KDM3B: variants seen among roughly 807,000 people sequenced by gnomAD.
The protein encoded by KDM3B is lysine-specific demethylase 3B.
Under a neutral mutation model 170.0 loss-of-function variants are expected in KDM3B, and 10 were observed. The observed-to-expected ratio is 0.06, with a 90% CI of 0.04 to 0.10. KDM3B has a LOEUF of 0.10. Ranked by LOEUF, KDM3B falls within the 10% of genes least tolerant of loss-of-function variation. The pLI, the probability that KDM3B is intolerant of heterozygous loss-of-function variation, is 1.00. For synonymous variants in KDM3B, 831 were observed against 834.8 expected, an observed-to-expected ratio of 1.00 and a Z score of 0.08; for missense variants, 1,394 against 2,195.2, an observed-to-expected ratio of 0.64 and a Z score of 7.29.
intron 23 of KDM3B, among the ~76,000 whole-genome samples, chr5:138,432,460 G>A (rs1763558815): frequency 1.3e-5 from 2 of 152,112 alleles, no homozygotes; most frequent in Non-Finnish European, 1.5e-5. Context: ...ATGAGGTCAG[G>A]AGATCAAGAC....
At position 138,419,771 on chromosome 5, in the gene KDM3B, ATATG is replaced by A. The variant is rs368855692; in HGVS notation, c.3715+540_3715+543del. On this transcript the variant is annotated intron_variant, in intron 14 of 23. Transcript: ENST00000314358. ...CACACACACACACACACACACATAT[ATATG>A]AGGGACTACCTTTCAACTTCTTTCT... Among the ~76,000 whole-genome samples, 256 of 148,350 alleles carry A rather than the reference ATATG, an allele frequency of 1.7e-3. 1 individual carries two copies. The highest frequency in any genetic ancestry group is 3.5e-3 in the Middle Eastern group (1 of 282).
chr5:138,418,781 C>G (rs747727838), intron 13 of KDM3B, among the ~76,000 whole-genome samples, 172 bp from the exon 14 acceptor site: 4 of 152,214 alleles, frequency 2.6e-5, no homozygotes, highest in Non-Finnish European at 4.4e-5. Context: ...AGCCTGGTTT[C>G]TGGCATGTTG....
chr5:138,386,722 A>G (rs1762273374), intron 7 of KDM3B, 101 bp downstream of exon 7: 2 of 1,444,598 alleles, frequency 1.4e-6, no homozygotes, highest in Admixed American at 2.1e-5. Context: ...GGGAAGGAGT[A>G]TTTCTGAGAT....
In KDM3B at chr5:138,419,039, G is replaced by A. The variant is rs1291101658; in HGVS notation, c.3522G>A (p.Glu1174=). 1.9e-6 allele frequency: 3 copies of A among 1,614,186 alleles called. No homozygotes were observed. Among genetic ancestry groups the A allele is most frequent in the Non-Finnish European group, 2.5e-6 (3 of 1,180,038 alleles). Residue 1174 remains glutamate, a synonymous_variant, in exon 14 of 24, where the codon GAG becomes GAA. Transcript: ENST00000314358. ...GACCGGCACCAGTAACAACTCCAGAGCCGGACCATGTTCCCAAAGCCGACA... is the reference window on the plus strand; with the variant it reads ...GACCGGCACCAGTAACAACTCCAGAACCGGACCATGTTCCCAAAGCCGACA... ...GGGPAPVTTP[E]PDHVPKADST...
chr5:138,400,094 G>A, intron 11 of KDM3B, 82 bp downstream of exon 11: 1 of 1,423,620 alleles, frequency 7.0e-7, no homozygotes, highest in Non-Finnish European at 9.8e-7. Context: ...AATTGAGGCA[G>A]GAATGGGCTT....
Position 138,430,256 on chromosome 5 carries a change from A to G in KDM3B, c.4901A>G (p.Glu1634Gly), listed in dbSNP as rs1763497077. The change falls in exon 22 of 24, where the codon GAA becomes GGA. Residue 1634 changes from glutamate (E) to glycine (G), a missense_variant. This residue lies in a region of KDM3B where 79 missense variants were observed against 270.5 expected (regional missense o/e 0.29). Coordinates refer to ENST00000314358, the MANE Select transcript of KDM3B (RefSeq NM_016604.4). Reference protein sequence around the residue: ...KIRELLRKVGEEQGQENPPDH... With the variant: ...KIRELLRKVGGEQGQENPPDH... ...ATTTGATTATGGCTTCAGGTTGGAG[A>G]AGAACAAGGCCAAGAGAACCCCCCT... 2.5e-6 allele frequency: 4 copies of G among 1,613,426 alleles called. No individual in the cohort carries two copies. The highest frequency in any genetic ancestry group is 3.4e-6 in the Non-Finnish European group (4 of 1,179,682).
At chr5:138,353,525 T>A (rs892145717) in intron 1 of KDM3B, among the ~76,000 whole-genome samples, 1 of 152,162 alleles carries the variant, frequency 6.6e-6, no homozygotes, top group Non-Finnish European at 1.5e-5. Context: ...TCATCTGAGC[T>A]GGGCTCGGCC....
At chr5:138,389,530 C>T (rs573397149) in intron 7 of KDM3B, among the ~76,000 whole-genome samples, 5 of 151,998 alleles carry the variant, frequency 3.3e-5, no homozygotes, top group East Asian at 1.9e-4. Context: ...TACAGTGTTG[C>T]GAAACTATGA....
Position 138,419,178 on chromosome 5 carries a change from G to C in KDM3B, c.3661G>C (p.Ala1221Pro). The C allele has an allele frequency of 6.2e-7, 1 of 1,614,138 alleles. No individual in the cohort carries two copies. The highest frequency in any genetic ancestry group is 8.5e-7 in the Non-Finnish European group (1 of 1,180,026). The change falls in exon 14 of 24, where the codon GCC becomes CCC. Residue 1221 changes from alanine (A) to proline (P), a missense_variant. By Grantham distance (27) the Ala-to-Pro change is conservative (BLOSUM62 -1). This residue lies in a region of KDM3B where 10 missense variants were observed against 29.1 expected (regional missense o/e 0.34). Coordinates refer to ENST00000314358, the MANE Select transcript of KDM3B (RefSeq NM_016604.4). Reference protein sequence around the residue: ...PCPDTAPPSSALHWLADLATQ... With the variant: ...PCPDTAPPSSPLHWLADLATQ... ...CCCTGACACGGCCCCACCCTCCTCC[G>C]CCCTGCACTGGTTGGCAGATTTAGC...
intron 1 of KDM3B, among the ~76,000 whole-genome samples, chr5:138,361,249 T>C (rs1156910258): frequency 6.6e-6 from 1 of 152,204 alleles, no homozygotes; most frequent in East Asian, 1.9e-4. Flanking sequence ...GCATCATCTT[T>C]TGCTCTTGAT....
chr5:138,434,673 T>C (rs147290737), intron 23 of KDM3B, among the ~76,000 whole-genome samples: 1,631 of 152,182 alleles, frequency 0.011, 15 homozygotes, highest in Non-Finnish European at 0.014. Flanking sequence ...GAGATATAGC[T>C]ATAGATACAG....
At chr5:138,384,584 A>G (rs1017966769) in intron 6 of KDM3B, among the ~76,000 whole-genome samples, 9 of 151,130 alleles carry the variant, frequency 6.0e-5, no homozygotes, top group African/African-American at 1.7e-4. Context: ...CTAAAAATAC[A>G]AAAAATTAGC....
Position 138,386,524 on chromosome 5 carries a change from G to T in KDM3B, c.1283G>T (p.Ser428Ile), listed in dbSNP as rs775503945. Residue 428 changes from serine to isoleucine, a missense_variant, in exon 7 of 24, where the codon AGC becomes ATC. Ser to Ile is a moderately radical substitution (Grantham distance 142, BLOSUM62 -2). Transcript: ENST00000314358. ...TCCGCAGCTGTGGTCACTACCGCCA[G>T]CTCCACCCCAAACACAGTGAGGATC... ...VASAAVVTTA[S>I]STPNTVRISD... 6.2e-7 allele frequency: 1 copy of T among 1,614,216 alleles called. No homozygotes were observed. Among genetic ancestry groups the T allele is most frequent in the South Asian group, 1.1e-5 (1 of 91,084 alleles).
In KDM3B at chr5:138,398,327, T is replaced by C. The variant is rs1762597494; in HGVS notation, c.2981T>C (p.Val994Ala). 2 of 1,614,168 alleles carry C rather than the reference T, an allele frequency of 1.2e-6. No individual in the cohort carries two copies. The highest frequency in any genetic ancestry group is 1.7e-6 in the Non-Finnish European group (2 of 1,180,020). Reference protein sequence around the residue: ...LETSKYILANVGDQFCQLVMS... With the variant: ...LETSKYILANAGDQFCQLVMS... ...ACCTCAAAATACATCCTGGCCAATG[T>C]TGGGGACCAGTTCTGCCAGCTCGTA... Residue 994 changes from valine to alanine, a missense_variant, in exon 10 of 24, where the codon GTT (valine) becomes GCT (alanine). Coordinates refer to ENST00000314358, the MANE Select transcript of KDM3B (RefSeq NM_016604.4).
intron 7 of KDM3B, among the ~76,000 whole-genome samples, chr5:138,390,598 G>A (rs997469974): frequency 4.6e-5 from 7 of 152,114 alleles, no homozygotes; most frequent in African/African-American, 1.7e-4. Context: ...TAGCTCCCAA[G>A]GTCATTGAGA....
chr5:138,378,102 TTCTG>T (rs1478981516), intron 4 of KDM3B, among the ~76,000 whole-genome samples: 16 of 152,314 alleles, frequency 1.1e-4, no homozygotes, highest in South Asian at 2.1e-4. Context: ...GACTGTGTTA[TTCTG>T]TCTAAGGTCC....
chr5:138,414,888 C>A (rs1184124313), intron 11 of KDM3B, among the ~76,000 whole-genome samples: 1 of 152,060 alleles, frequency 6.6e-6, no homozygotes, highest in Admixed American at 6.6e-5. Context: ...GCCAGAGAGG[C>A]GGAGGTTGCG....
chr5:138,411,434 C>A lies in KDM3B; in HGVS notation c.3200-3698C>A, dbSNP rs573429332. On this transcript the variant is annotated intron_variant, in intron 11 of 23. Transcript: ENST00000314358. ...AAGATCTATATCTGGTATAACTATT[C>A]TTGTTTTATATTTATTATACTGGAA... is the stretch of plus-strand genomic sequence containing the variant. 5.7e-4 allele frequency among the ~76,000 whole-genome samples: 87 copies of A among 152,210 alleles called. No individual in the cohort carries two copies. The South Asian group carries it at 6.2e-3, about 11-fold the overall frequency.
chr5:138,355,143 G>T (rs191365371), intron 1 of KDM3B, among the ~76,000 whole-genome samples: 3 of 152,336 alleles, frequency 2.0e-5, no homozygotes, highest in East Asian at 3.9e-4. Flanking sequence ...GAGTTTGCAA[G>T]CAGCTGGCCT....
Sources: allele counts gnomAD v4.1 joint callset (sites outside exome capture counted in the v4.1 genomes callset), GRCh38; gene constraint gnomAD v4.1.1; regional missense constraint gnomAD v4.1.1; transcripts MANE v1.5; gene names NCBI Gene and HGNC (gene_info 2026-07-23, HGNC 2026-07-21).